Variants in ZNF804B observed in about 807,000 individuals in gnomAD.
ZNF804B encodes the protein zinc finger 804B.
Under a neutral mutation model 101.4 loss-of-function variants are expected in ZNF804B, and 80 were observed. The observed-to-expected ratio is 0.79, with a 90% CI of 0.66 to 0.95. The LOEUF is 0.95. Among genes scored for constraint, ZNF804B ranks in the 40% least tolerant of loss-of-function variants. The pLI is 0.00. For synonymous variants in ZNF804B, 622 were observed against 558.8 expected (o/e 1.11, Z -1.59); for missense variants, 1,673 against 1,561.9 (o/e 1.07, Z -1.20).
chr7:88,967,891 G>A (rs544046017), intron 1 of ZNF804B, among the ~76,000 whole-genome samples: 1 of 151,600 alleles, frequency 6.6e-6, no homozygotes, highest in East Asian at 2.0e-4. Flanking sequence ...AGAGTTAATG[G>A]AAATATTTAG....
At chr7:89,032,472 A>G (rs369506116) in intron 1 of ZNF804B, among the ~76,000 whole-genome samples, 3 of 152,250 alleles carry the variant, frequency 2.0e-5, no homozygotes, top group East Asian at 3.9e-4. Context: ...TTTATATGAG[A>G]TAGATAGTAC....
At position 88,887,924 on chromosome 7, in the gene ZNF804B, A is replaced by G. The variant is rs554950220; in HGVS notation, c.108+127840A>G. On this transcript the variant is annotated intron_variant, in intron 1 of 3. Transcript: ENST00000333190. Reference sequence around the variant, plus strand: ...TTAAAAAACACAGGAATGTATATATATATCTGAGAATTGCTATTTCAAAAA... The same window carrying G: ...TTAAAAAACACAGGAATGTATATATGTATCTGAGAATTGCTATTTCAAAAA... Among the ~76,000 whole-genome samples, 4 of 152,320 alleles carry G rather than the reference A, an allele frequency of 2.6e-5. No individual in the cohort carries two copies. In the East Asian group the frequency reaches 7.7e-4, roughly 29 times the overall value.
intron 1 of ZNF804B, among the ~76,000 whole-genome samples, chr7:89,038,610 AG>A (rs1352869637): frequency 2.0e-5 from 3 of 152,080 alleles, no homozygotes; most frequent in Non-Finnish European, 2.9e-5. Context: ...CTCATTCTGT[AG>A]GATGTCTCTT....
rs966065168 is a variant in ZNF804B, at chr7:89,222,164, C to T, written c.249+3869C>T. Reference sequence around the variant, plus strand: ...TCAAGGCATGGGGGCAGTTAAAAAGCGTAATCTATGAAGAAGCAAATGATT... The same window carrying T: ...TCAAGGCATGGGGGCAGTTAAAAAGTGTAATCTATGAAGAAGCAAATGATT... On this transcript the variant is annotated intron_variant, in intron 2 of 3. Transcript: ENST00000333190. Among the ~76,000 whole-genome samples the T allele has an allele frequency of 5.9e-5, 9 of 151,858 alleles. No individual in the cohort carries two copies. In the East Asian group the frequency reaches 7.7e-4, roughly 13 times the overall value.
At chr7:89,004,333 T>C (rs558331926) in intron 1 of ZNF804B, among the ~76,000 whole-genome samples, 1 of 151,944 alleles carries the variant, frequency 6.6e-6, no homozygotes, top group African/African-American at 2.4e-5. Context: ...TTGTAAACTT[T>C]GGAATCTCAT....
At chr7:88,824,350 C>T (rs892636709) in intron 1 of ZNF804B, among the ~76,000 whole-genome samples, 1 of 152,086 alleles carries the variant, frequency 6.6e-6, no homozygotes, top group African/African-American at 2.4e-5. Context: ...AGAGGCATTT[C>T]CCCCACTTCC....
At chr7:88,983,660 G>A (rs1193503234) in intron 1 of ZNF804B, among the ~76,000 whole-genome samples, 1 of 151,996 alleles carries the variant, frequency 6.6e-6, no homozygotes, top group Admixed American at 6.6e-5. Context: ...ATTATATGCT[G>A]AAAGGCTAGT....
intron 1 of ZNF804B, among the ~76,000 whole-genome samples, chr7:88,899,197 T>C (rs974944875): frequency 6.6e-6 from 1 of 152,214 alleles, no homozygotes; most frequent in Non-Finnish European, 1.5e-5. Context: ...GCATTCTTTA[T>C]ATATGATATC....
chr7:88,950,823 A>G (rs1793207363), intron 1 of ZNF804B, among the ~76,000 whole-genome samples: 1 of 151,922 alleles, frequency 6.6e-6, no homozygotes, highest in Admixed American at 6.6e-5. Flanking sequence ...TTACGCATGC[A>G]GTAAATACTC....
chr7:88,792,694 G>GT (rs1289410631), intron 1 of ZNF804B, among the ~76,000 whole-genome samples: 11 of 151,786 alleles, frequency 7.2e-5, no homozygotes, highest in Admixed American at 5.9e-4. Flanking sequence ...AATATTAGGT[G>GT]TTTTTTTCTA....
intron 1 of ZNF804B, among the ~76,000 whole-genome samples, chr7:88,975,504 T>C (rs1374509037): frequency 4.0e-5 from 6 of 151,536 alleles, no homozygotes; most frequent in Non-Finnish European, 7.4e-5. Flanking sequence ...TATCTCATTG[T>C]TGTTTTGATT....
At chr7:88,772,682 T>C (rs1790086267) in intron 1 of ZNF804B, among the ~76,000 whole-genome samples, 1 of 152,154 alleles carries the variant, frequency 6.6e-6, no homozygotes, top group Non-Finnish European at 1.5e-5. Flanking sequence ...TAGGATTTAA[T>C]TTCTGATCTT....
intron 1 of ZNF804B, among the ~76,000 whole-genome samples, chr7:89,141,595 T>C (rs1386604334): frequency 1.3e-5 from 2 of 152,010 alleles, no homozygotes; most frequent in Non-Finnish European, 2.9e-5. Context: ...TATTGCTGGA[T>C]TACATGGTAA....
At chr7:89,012,972 A>G (rs1033185716) in intron 1 of ZNF804B, among the ~76,000 whole-genome samples, 10 of 152,184 alleles carry the variant, frequency 6.6e-5, no homozygotes, top group Admixed American at 1.3e-4. Context: ...CAGAAGGCAC[A>G]TCTTCCCAGG....
intron 1 of ZNF804B, among the ~76,000 whole-genome samples, chr7:88,925,637 T>C (rs765680657): frequency 8.6e-5 from 13 of 152,014 alleles, no homozygotes; most frequent in Admixed American, 2.0e-4. Context: ...AAAAAGTCGA[T>C]GATAATAGAA....
chr7:88,819,532 C>T lies in ZNF804B; in HGVS notation c.108+59448C>T, dbSNP rs114386067. On this transcript the variant is annotated intron_variant, in intron 1 of 3. Transcript: ENST00000333190. ...GGCAGACACCTCATGATAGATCCCA[C>T]CAACTTCTTTCTGCCTGCTCTCTTG... is the stretch of plus-strand genomic sequence containing the variant. 1.9e-3 allele frequency among the ~76,000 whole-genome samples: 291 copies of T among 152,236 alleles called. 1 individual carries two copies. The highest frequency in any genetic ancestry group is 6.7e-3 in the African/African-American group (280 of 41,548).
intron 1 of ZNF804B, among the ~76,000 whole-genome samples, chr7:89,133,309 G>A (rs1790580113): frequency 6.6e-6 from 1 of 151,930 alleles, no homozygotes; most frequent in Non-Finnish European, 1.5e-5. Flanking sequence ...TTTTAGTCTG[G>A]GCCCTGAAGA....
At chr7:89,054,643 A>C (rs2188248) in intron 1 of ZNF804B, among the ~76,000 whole-genome samples, 1 of 151,846 alleles carries the variant, frequency 6.6e-6, no homozygotes. Flanking sequence ...CATTAGGAAA[A>C]AACAACTCTA....
chr7:89,178,586 A>G (rs915306997), intron 1 of ZNF804B, among the ~76,000 whole-genome samples: 1 of 151,934 alleles, frequency 6.6e-6, no homozygotes, highest in African/African-American at 2.4e-5. Flanking sequence ...CCACTTTTTG[A>G]CTTTTGTTTC....
Sources: allele counts gnomAD v4.1 joint callset (sites outside exome capture counted in the v4.1 genomes callset), GRCh38; gene constraint gnomAD v4.1.1; transcripts MANE v1.5; gene names NCBI Gene and HGNC (gene_info 2026-07-23, HGNC 2026-07-21).